The following SAMMSON variants were observed in gnomAD, a reference collection of about 807,000 sequenced individuals.
The protein encoded by SAMMSON is long intergenic non-protein coding RNA 1212.
chr3:70,172,215 A>G (rs1435618856), intron 4 of SAMMSON: 1 of 151,040 alleles, frequency 6.6e-6, no homozygotes, highest in Non-Finnish European at 1.5e-5. Flanking sequence ...TTTAAAGGCT[A>G]GTTAGTTATT....
At chr3:70,433,943 G>A (rs1701436362) in intron 2 of SAMMSON, among the ~76,000 whole-genome samples, 2 of 152,038 alleles carry the variant, frequency 1.3e-5, no homozygotes, top group Admixed American at 6.6e-5. Flanking sequence ...GTCAAAGATC[G>A]GTTGACTATA....
chr3:70,273,164 G>C (rs569378935), intron 6 of SAMMSON, among the ~76,000 whole-genome samples: 1 of 152,098 alleles, frequency 6.6e-6, no homozygotes, highest in Non-Finnish European at 1.5e-5. Flanking sequence ...GATTCATCCC[G>C]GTGATCACTG....
intron 6 of SAMMSON, among the ~76,000 whole-genome samples, chr3:70,285,864 A>T (rs1303334953): frequency 6.6e-6 from 1 of 151,814 alleles, no homozygotes; most frequent in Non-Finnish European, 1.5e-5. Context: ...TTCTTTTGAG[A>T]AGTGTCTGTT....
At chr3:70,042,273 C>T (rs926128686) in intron 3 of SAMMSON, among the ~76,000 whole-genome samples, 9 of 152,002 alleles carry the variant, frequency 5.9e-5, no homozygotes, top group African/African-American at 2.2e-4. Context: ...CCAAAATGAG[C>T]CCTTCTAATG....
At chr3:70,023,429 C>T (rs1465192473) in intron 3 of SAMMSON, among the ~76,000 whole-genome samples, 2 of 151,742 alleles carry the variant, frequency 1.3e-5, no homozygotes. Flanking sequence ...CCAGTGCACT[C>T]CAGCCTGGGT....
chr3:70,158,060 A>G (rs1440305308), intron 4 of SAMMSON, among the ~76,000 whole-genome samples: 2 of 152,134 alleles, frequency 1.3e-5, no homozygotes, highest in Non-Finnish European at 2.9e-5. Flanking sequence ...CATATTTAGC[A>G]TATCAGATAA....
intron 3 of SAMMSON, among the ~76,000 whole-genome samples, chr3:70,026,372 C>T (rs2067037107): frequency 6.6e-6 from 1 of 152,092 alleles, no homozygotes; most frequent in African/African-American, 2.4e-5. Flanking sequence ...TTCCTTCCTT[C>T]TTTCTACTTT....
chr3:70,408,459 C>A (rs2106767123), intron 2 of SAMMSON, among the ~76,000 whole-genome samples: 1 of 152,302 alleles, frequency 6.6e-6, no homozygotes, highest in Middle Eastern at 3.4e-3. Flanking sequence ...TTAGAAATTT[C>A]TTCTGCCAGA....
At position 70,253,723 on chromosome 3, in the gene SAMMSON, T is replaced by C. The variant is rs575464060; in HGVS notation, n.674+4053T>C. Among the ~76,000 whole-genome samples the C allele has an allele frequency of 2.6e-5, 4 of 152,076 alleles. No individual in the cohort carries two copies. In the East Asian group the frequency reaches 7.7e-4, roughly 29 times the overall value. On this transcript the variant is annotated intron_variant and non_coding_transcript_variant, in intron 6 of 9. Coordinates refer to ENST00000642114, the Ensembl canonical transcript of SAMMSON. ...GGGCTACAGTGCAAAACCCCAACTC[T>C]AAAAAAAGTAAAAATACAAATAAAA...
chr3:70,147,660 T>G (rs564948459), intron 4 of SAMMSON, among the ~76,000 whole-genome samples: 62 of 152,188 alleles, frequency 4.1e-4, no homozygotes, highest in Middle Eastern at 3.4e-3. Flanking sequence ...TAACTCAAAA[T>G]GGATCTTTCA....
chr3:70,227,292 A>G (rs1428563855), intron 4 of SAMMSON, among the ~76,000 whole-genome samples: 3 of 152,212 alleles, frequency 2.0e-5, no homozygotes, highest in African/African-American at 4.8e-5. Flanking sequence ...TCCTCCTTAT[A>G]CTATATTTTC....
At chr3:70,150,915 A>AT (rs1224946470) in intron 4 of SAMMSON, among the ~76,000 whole-genome samples, 1 of 152,050 alleles carries the variant, frequency 6.6e-6, no homozygotes. Flanking sequence ...TAAATGTTCA[A>AT]TTTTTTGAGT....
intron 4 of SAMMSON, among the ~76,000 whole-genome samples, chr3:70,164,507 C>A (rs1389778228): frequency 2.0e-5 from 3 of 152,054 alleles, no homozygotes; most frequent in African/African-American, 7.2e-5. Flanking sequence ...TGTGCCTGCA[C>A]TTTTTCTGGT....
At chr3:70,246,737 G>A (rs2106646823) in intron 4 of SAMMSON, among the ~76,000 whole-genome samples, 1 of 152,008 alleles carries the variant, frequency 6.6e-6, no homozygotes, top group Admixed American at 6.6e-5. Flanking sequence ...AACTACGAAA[G>A]CAAGACTTTG....
At chr3:70,163,160 G>A (rs1295578514) in intron 4 of SAMMSON, among the ~76,000 whole-genome samples, 1 of 151,188 alleles carries the variant, frequency 6.6e-6, no homozygotes, top group Non-Finnish European at 1.5e-5. Context: ...GATTGATATA[G>A]TATGATTTAT....
intron 4 of SAMMSON, among the ~76,000 whole-genome samples, chr3:70,139,062 A>C (rs1370244691): frequency 6.6e-6 from 1 of 152,224 alleles, no homozygotes; most frequent in Non-Finnish European, 1.5e-5. Flanking sequence ...ACTCTTCAAT[A>C]CAGTAATCAC....
intron 7 of SAMMSON, among the ~76,000 whole-genome samples, chr3:70,339,809 C>A (rs530015518): frequency 6.6e-6 from 1 of 152,156 alleles, no homozygotes; most frequent in East Asian, 1.9e-4. Flanking sequence ...ATTGGTGGGA[C>A]TGCAAACTAG....
intron 4 of SAMMSON, among the ~76,000 whole-genome samples, chr3:70,087,403 G>A (rs1238311566): frequency 6.6e-6 from 1 of 152,102 alleles, no homozygotes; most frequent in Non-Finnish European, 1.5e-5. Context: ...ACATATTCTT[G>A]CCGACTTAGG....
chr3:70,390,600 G>T (rs914861752), downstream of SAMMSON, among the ~76,000 whole-genome samples: 1 of 151,946 alleles, frequency 6.6e-6, no homozygotes, highest in Non-Finnish European at 1.5e-5. Context: ...TAAATGACCA[G>T]ATCTTGTGAG....
Sources: allele counts gnomAD v4.1 joint callset (sites outside exome capture counted in the v4.1 genomes callset), GRCh38; gene constraint gnomAD v4.1.1; transcripts MANE v1.5; gene names NCBI Gene and HGNC (gene_info 2026-07-23, HGNC 2026-07-21).